Variants in SPOCK1 observed in about 807,000 individuals in gnomAD.
SPOCK1 encodes the protein SPARC (osteonectin), cwcv and kazal like domains proteoglycan 1, also known as testican-1.
Under a neutral mutation model 55.3 loss-of-function variants are expected in SPOCK1, and 23 were observed. That is an observed-to-expected ratio of 0.42 (90% CI 0.30 to 0.59). The LOEUF (loss-of-function observed/expected upper bound fraction) is 0.59. Ranked by LOEUF, SPOCK1 falls within the 20% of genes least tolerant of loss-of-function variation. The pLI is 0.22. For missense variants in SPOCK1, 499 were observed against 552.5 expected (o/e 0.90, Z 0.97); for synonymous variants, 226 against 221.0 (o/e 1.02, Z -0.20).
intron 2 of SPOCK1, among the ~76,000 whole-genome samples, chr5:137,491,927 G>A (rs1333482201): frequency 2.0e-5 from 3 of 152,152 alleles, no homozygotes; most frequent in Non-Finnish European, 4.4e-5. Context: ...TATAGGAATT[G>A]TTGATATTAA....
intron 3 of SPOCK1, among the ~76,000 whole-genome samples, chr5:137,223,585 C>G (rs1024956059): frequency 3.9e-5 from 6 of 152,142 alleles, no homozygotes; most frequent in African/African-American, 1.4e-4. Context: ...AATGTTATCT[C>G]CACATTTGTG....
intron 2 of SPOCK1, among the ~76,000 whole-genome samples, chr5:137,349,848 C>A (rs1018264618): frequency 3.3e-5 from 5 of 152,138 alleles, no homozygotes; most frequent in Non-Finnish European, 7.4e-5. Flanking sequence ...AAGGGCCCAC[C>A]CTAATGACCT....
intron 5 of SPOCK1, among the ~76,000 whole-genome samples, chr5:137,101,271 T>C (rs764696131): frequency 1.3e-5 from 2 of 152,250 alleles, no homozygotes; most frequent in Non-Finnish European, 2.9e-5. Context: ...GGGACCTTTC[T>C]GTCTTTTAAA....
At position 137,298,837 on chromosome 5, in the gene SPOCK1, G is replaced by T. The variant is rs116001628; in HGVS notation, c.187-31782C>A. On this transcript the variant is annotated intron_variant, in intron 2 of 10. Transcript: ENST00000394945. The stretch of plus-strand genomic sequence containing the variant: ...TTTTCTTATTTTTATAGTTTGCATG[G>T]TATATATTTCTCCACCTTTTAATTT... Among the ~76,000 whole-genome samples the T allele has an allele frequency of 6.2e-3, 944 of 152,024 alleles. 4 individuals carry two copies. Among genetic ancestry groups the T allele is most frequent in the African/African-American group, 0.022 (926 of 41,456 alleles).
chr5:137,439,125 G>A (rs557423101), intron 2 of SPOCK1, among the ~76,000 whole-genome samples: 96 of 152,300 alleles, frequency 6.3e-4, no homozygotes, highest in Admixed American at 9.8e-4. Flanking sequence ...GCAGTCACAC[G>A]AAACAGACAA....
chr5:137,120,613 G>A (rs1753667220), intron 4 of SPOCK1, among the ~76,000 whole-genome samples: 1 of 152,092 alleles, frequency 6.6e-6, no homozygotes, highest in Non-Finnish European at 1.5e-5. Flanking sequence ...GAGTAAAGAG[G>A]CACACACCAA....
intron 2 of SPOCK1, among the ~76,000 whole-genome samples, chr5:137,383,855 G>C (rs1258576544): frequency 6.6e-6 from 1 of 152,190 alleles, no homozygotes; most frequent in African/African-American, 2.4e-5. Flanking sequence ...TGAATCATTT[G>C]CAATTTAAAA....
intron 2 of SPOCK1, among the ~76,000 whole-genome samples, chr5:137,464,410 C>T (rs1399414986): frequency 1.3e-5 from 2 of 151,960 alleles, no homozygotes; most frequent in Non-Finnish European, 2.9e-5. Context: ...TCATGTACCC[C>T]ACAAACATAT....
chr5:137,321,042 T>C lies in SPOCK1; in HGVS notation c.187-53987A>G, dbSNP rs141852440. ...AGTGTCTGTAAAATGAAAAAGAGTA[T>C]TTTTTAACCAAAGAAATTTGTGACC... On this transcript the variant is annotated intron_variant, in intron 2 of 10. Coordinates refer to ENST00000394945, the MANE Select transcript of SPOCK1 (RefSeq NM_004598.4). Among the ~76,000 whole-genome samples the C allele has an allele frequency of 1.1e-3, 170 of 152,122 alleles. 4 individuals are homozygous for C. In the Middle Eastern group the frequency reaches 0.014, roughly 12 times the overall value.
chr5:137,024,313 A>AGGG (rs1561583021), intron 6 of SPOCK1, among the ~76,000 whole-genome samples: 3 of 25,340 alleles, frequency 1.2e-4, no homozygotes, highest in African/African-American at 1.9e-4. Context: ...CACCAGTTTG[A>AGGG]AGGGGGGGGG....
chr5:137,279,757 A>G (rs956775864), intron 2 of SPOCK1, among the ~76,000 whole-genome samples: 2 of 152,238 alleles, frequency 1.3e-5, no homozygotes, highest in Non-Finnish European at 2.9e-5. Context: ...AGGCTAAGCC[A>G]TGACACTGTA....
intron 6 of SPOCK1, among the ~76,000 whole-genome samples, chr5:137,010,308 C>A (rs1375906046): frequency 6.6e-6 from 1 of 151,860 alleles, no homozygotes; most frequent in Non-Finnish European, 1.5e-5. Flanking sequence ...ATAACAGCAC[C>A]AAGAATAAAC....
At chr5:137,003,177 G>A (rs562277050) in intron 6 of SPOCK1, among the ~76,000 whole-genome samples, 2 of 152,294 alleles carry the variant, frequency 1.3e-5, no homozygotes, top group Non-Finnish European at 2.9e-5. Context: ...AGGCCCAGGA[G>A]GGTGGATCAC....
rs116663770 is a variant in SPOCK1 at position 137,489,961 on chromosome 5, G to A, written c.186+8412C>T. Among the ~76,000 whole-genome samples, 1,219 of 152,250 alleles carry A rather than the reference G, an allele frequency of 8.0e-3. 15 individuals carry two copies. Among genetic ancestry groups the A allele is most frequent in the African/African-American group, 0.028 (1,153 of 41,540 alleles). Reference sequence around the variant, plus strand: ...TCCCATGACATATTCTGAGAGCATCGGTGCCTCTGCCTTGTAGTACTTTTC... The same window carrying A: ...TCCCATGACATATTCTGAGAGCATCAGTGCCTCTGCCTTGTAGTACTTTTC... On this transcript the variant is annotated intron_variant, in intron 2 of 10. Transcript: ENST00000394945.
intron 2 of SPOCK1, among the ~76,000 whole-genome samples, chr5:137,428,991 G>T (rs1444662991): frequency 6.6e-6 from 1 of 152,174 alleles, no homozygotes; most frequent in East Asian, 1.9e-4. Context: ...ATCTTTTACA[G>T]ACTTACATCT....
chr5:136,986,155 T>A (rs905003222), intron 8 of SPOCK1, among the ~76,000 whole-genome samples: 1 of 152,140 alleles, frequency 6.6e-6, no homozygotes, highest in African/African-American at 2.4e-5. Flanking sequence ...TAAGATGCTT[T>A]CAGAGTAAAG....
chr5:137,214,540 T>TCAA (rs140084120), intron 3 of SPOCK1, among the ~76,000 whole-genome samples: 63,313 of 151,786 alleles, frequency 0.42, 13,861 homozygotes, highest in Middle Eastern at 0.49. Flanking sequence ...TTGCAATCAC[T>TCAA]CAACAACAAC....
chr5:137,480,769 A>G (rs1753934207), intron 2 of SPOCK1, among the ~76,000 whole-genome samples: 1 of 152,146 alleles, frequency 6.6e-6, no homozygotes, highest in Non-Finnish European at 1.5e-5. Flanking sequence ...CTAAGAAGCC[A>G]GGGGAAAGTG....
chr5:137,386,466 T>C (rs1403155262), intron 2 of SPOCK1, among the ~76,000 whole-genome samples: 1 of 152,190 alleles, frequency 6.6e-6, no homozygotes, highest in Non-Finnish European at 1.5e-5. Context: ...TGAGACTTAT[T>C]ATAAAGTTTC....
Sources: gnomAD v4.1 joint callset for allele counts (sites outside exome capture counted in the v4.1 genomes callset) on GRCh38, gnomAD v4.1.1 for gene constraint, MANE v1.5 for transcripts, NCBI Gene and HGNC (gene_info 2026-07-23, HGNC 2026-07-21) for gene names.